Variants in MCTP2 observed in about 807,000 individuals in gnomAD.
The protein encoded by MCTP2 is multiple C2 and transmembrane domain-containing protein 2.
A neutral mutation model predicts 111.6 loss-of-function variants in MCTP2; 132 were observed. The observed-to-expected ratio is 1.18, with a 90% confidence interval of 1.03 to 1.37. The LOEUF is 1.37. MCTP2 is among the 40% of genes most tolerant of loss of function. MCTP2 has a pLI of 0.00. For missense variants in MCTP2, 1,183 were observed against 1,067.9 expected (o/e 1.11, Z -1.50); for synonymous variants, 395 against 387.7 (o/e 1.02, Z -0.22).
At chr15:94,365,465 A>G (rs985589686) in intron 10 of MCTP2, among the ~76,000 whole-genome samples, 1 of 152,200 alleles carries the variant, frequency 6.6e-6, no homozygotes, top group African/African-American at 2.4e-5. Flanking sequence ...GAAGAAACCC[A>G]ATATTTACTT....
At chr15:94,338,621 C>T (rs1374967925) in intron 4 of MCTP2, among the ~76,000 whole-genome samples, 1 of 151,664 alleles carries the variant, frequency 6.6e-6, no homozygotes, top group Non-Finnish European at 1.5e-5. Context: ...TGTTTCAAAG[C>T]TCCCAGGGAG....
Position 94,298,290 on chromosome 15 carries a change from T to C in MCTP2, c.25T>C (p.Trp9Arg), listed in dbSNP as rs767123952. 1.9e-6 allele frequency: 3 copies of C among 1,613,496 alleles called. No homozygotes were observed. The highest frequency in any genetic ancestry group is 1.7e-5 in the Admixed American group (1 of 60,002). ...CATGGATCTGGATAAACCATCTGTT[T>C]GGGGCTCATTAAAACAGCGGACCAG... MDLDKPSV[W>R]GSLKQRTRPL... Residue 9 changes from tryptophan (W) to arginine (R), a missense_variant, in exon 2 of 23, where the codon TGG (tryptophan) becomes CGG (arginine). Trp to Arg is a moderately radical substitution (Grantham distance 101). Transcript: ENST00000357742.
At chr15:94,382,978 C>T (rs933211556) in intron 12 of MCTP2, among the ~76,000 whole-genome samples, 1 of 152,144 alleles carries the variant, frequency 6.6e-6, no homozygotes, top group African/African-American at 2.4e-5. Context: ...CTGGAAATTT[C>T]TTAGGTTTTT....
rs769033118 is a variant in MCTP2 at position 94,401,904 on chromosome 15, T to G, written c.1970T>G (p.Leu657Ter). 4 of 1,605,884 alleles carry G rather than the reference T, an allele frequency of 2.5e-6. No individual in the cohort carries two copies. The Admixed American group carries it at 6.8e-5, about 27-fold the overall frequency. ...TTTGTCATTTTTTAAAATCAGATCTTATCAAGAGATGTGGACCGTGTGAAA... is the reference window on the plus strand; with the variant it reads ...TTTGTCATTTTTTAAAATCAGATCTGATCAAGAGATGTGGACCGTGTGAAA... ...EDSRKLSKKI[L>*]SRDVDRVKRI... Residue 657 changes from leucine (L) to a stop codon, truncating the protein, a stop_gained, in exon 17 of 23, where the codon TTA (leucine) becomes TGA (stop). Transcript: ENST00000357742. LOFTEE classifies it high-confidence loss of function.
chr15:94,416,626 G>C (rs1195210386), intron 17 of MCTP2, among the ~76,000 whole-genome samples: 1 of 152,144 alleles, frequency 6.6e-6, no homozygotes, highest in Non-Finnish European at 1.5e-5. Flanking sequence ...TGGGCATATG[G>C]TTCATTATGC....
At chr15:94,261,861 T>G (rs1044370410) in intron 1 of MCTP2, among the ~76,000 whole-genome samples, 1 of 152,206 alleles carries the variant, frequency 6.6e-6, no homozygotes, top group East Asian at 1.9e-4. Flanking sequence ...GTGTTTTTCA[T>G]TGTACATTGG....
chr15:94,323,780 A>G (rs1431060137), intron 4 of MCTP2, among the ~76,000 whole-genome samples: 2 of 152,112 alleles, frequency 1.3e-5, no homozygotes, highest in Non-Finnish European at 2.9e-5. Context: ...ATCTTCCTGC[A>G]TGTCTGCTGT....
chr15:94,243,668 TATAC>T (rs1567253129), intron 1 of MCTP2, among the ~76,000 whole-genome samples: 3 of 148,320 alleles, frequency 2.0e-5, no homozygotes, highest in African/African-American at 7.4e-5. Context: ...TATGCGTATA[TATAC>T]ACATATATGT....
intron 20 of MCTP2, among the ~76,000 whole-genome samples, chr15:94,469,216 A>T (rs1471304606): frequency 6.6e-6 from 1 of 152,196 alleles, no homozygotes; most frequent in African/African-American, 2.4e-5. Context: ...CTCTACGGTT[A>T]AATCTGTATG....
chr15:94,379,192 C>T (rs899836976), intron 12 of MCTP2, among the ~76,000 whole-genome samples: 5 of 151,678 alleles, frequency 3.3e-5, no homozygotes, highest in Admixed American at 1.3e-4. Flanking sequence ...TGTGCAGGAC[C>T]GGATAGGGCA....
chr15:94,354,929 A>G (rs1218452191), intron 8 of MCTP2, among the ~76,000 whole-genome samples: 1 of 152,204 alleles, frequency 6.6e-6, no homozygotes, highest in Non-Finnish European at 1.5e-5. Context: ...ATAGTGTTAG[A>G]AATTCATTGC....
At chr15:94,433,606 ATAT>A (rs2083304719) in intron 17 of MCTP2, among the ~76,000 whole-genome samples, 1 of 152,226 alleles carries the variant, frequency 6.6e-6, no homozygotes, top group Non-Finnish European at 1.5e-5. Context: ...TTTGTGAGAC[ATAT>A]TATACAGAAG....
intron 1 of MCTP2, among the ~76,000 whole-genome samples, chr15:94,285,051 A>G (rs1563362): frequency 0.02 from 3,006 of 152,272 alleles, 106 homozygotes; most frequent in African/African-American, 0.069. Flanking sequence ...CTTTCCTCCT[A>G]CAGCTATGAT....
chr15:94,445,901 C>A (rs2084090791), intron 19 of MCTP2, among the ~76,000 whole-genome samples: 1 of 152,198 alleles, frequency 6.6e-6, no homozygotes, highest in Non-Finnish European at 1.5e-5. Flanking sequence ...TCCTTCCCAC[C>A]ACATACCATC....
chr15:94,394,785 T>A (rs931925077), intron 14 of MCTP2, among the ~76,000 whole-genome samples: 5 of 152,134 alleles, frequency 3.3e-5, no homozygotes, highest in African/African-American at 1.2e-4. Flanking sequence ...AAAAAAAAGT[T>A]ATATTAACAT....
At chr15:94,372,322 TA>T (rs2079533284) in intron 12 of MCTP2, among the ~76,000 whole-genome samples, 1 of 152,244 alleles carries the variant, frequency 6.6e-6, no homozygotes, top group African/African-American at 2.4e-5. Flanking sequence ...TTTTTAGAAC[TA>T]AGTCTCACAG....
chr15:94,437,155 C>CAAAAAAAAAAA (rs11352999), intron 17 of MCTP2, among the ~76,000 whole-genome samples: 1 of 69,560 alleles, frequency 1.4e-5, no homozygotes, highest in Non-Finnish European at 2.8e-5. Flanking sequence ...CTTACACATC[C>CAAAAAAAAAAA]AAAAAAAAAA....
chr15:94,430,642 G>T (rs965049974), intron 17 of MCTP2, among the ~76,000 whole-genome samples: 1 of 151,860 alleles, frequency 6.6e-6, no homozygotes, highest in Non-Finnish European at 1.5e-5. Flanking sequence ...CAGCTACTTG[G>T]GAGGCTGAGG....
intron 8 of MCTP2, among the ~76,000 whole-genome samples, chr15:94,348,844 C>T (rs2078142724): frequency 6.6e-6 from 1 of 152,028 alleles, no homozygotes; most frequent in Admixed American, 6.5e-5. Context: ...GCATTCTTCA[C>T]TGAATTCAAA....
Sources: gnomAD v4.1 joint callset for allele counts (sites outside exome capture counted in the v4.1 genomes callset) on GRCh38, gnomAD v4.1.1 for gene constraint, MANE v1.5 for transcripts, NCBI Gene and HGNC (gene_info 2026-07-23, HGNC 2026-07-21) for gene names.